The following MCF2L2 variants were observed in gnomAD, a reference collection of about 807,000 sequenced individuals.
MCF2L2 encodes the protein MCF.2 cell line derived transforming sequence-like 2, also known as probable guanine nucleotide exchange factor MCF2L2.
A neutral mutation model predicts 150.2 loss-of-function variants in MCF2L2; 102 were observed. The ratio of observed to expected loss-of-function variants is 0.68; its 90% CI spans 0.58 to 0.80. MCF2L2 has a LOEUF of 0.80. Among genes scored for constraint, MCF2L2 ranks in the 30% least tolerant of loss-of-function variants. The pLI is 0.00. For synonymous variants in MCF2L2, 465 were observed against 491.3 expected (o/e 0.95, Z 0.71); for missense variants, 1,256 against 1,372.8 (o/e 0.91, Z 1.34).
At chr3:183,290,337 T>TA (rs1728061843) in intron 13 of MCF2L2, among the ~76,000 whole-genome samples, 1 of 152,182 alleles carries the variant, frequency 6.6e-6, no homozygotes, top group Admixed American at 6.5e-5. Context: ...AATTGGGACT[T>TA]GAGAGGAGAA....
intron 2 of MCF2L2, among the ~76,000 whole-genome samples, chr3:183,382,329 G>A (rs1158212922): frequency 1.3e-5 from 2 of 152,152 alleles, no homozygotes; most frequent in East Asian, 3.9e-4. Context: ...TAAGTGCTGG[G>A]ATTACAGGCG....
chr3:183,195,378 G>A (rs532046637), intron 25 of MCF2L2, 123 bp from the exon 26 acceptor site: 8 of 641,200 alleles, frequency 1.2e-5, no homozygotes, highest in Non-Finnish European at 2.1e-5. Flanking sequence ...ATATAAAGGT[G>A]TGTAGGTCTT....
At chr3:183,408,756 A>G (rs1715172880) in intron 1 of MCF2L2, among the ~76,000 whole-genome samples, 1 of 152,230 alleles carries the variant, frequency 6.6e-6, no homozygotes, top group Non-Finnish European at 1.5e-5. Context: ...CCTGGGCTGG[A>G]CAGGTTCAGT....
chr3:183,348,415 C>T (rs778493454), intron 3 of MCF2L2, among the ~76,000 whole-genome samples: 1 of 23,926 alleles, frequency 4.2e-5, no homozygotes, highest in African/African-American at 3.6e-4. Context: ...GGTCGGGGGT[C>T]GGGTAGGGGG....
chr3:183,199,541 CTCT>C (rs1375643969), intron 25 of MCF2L2, among the ~76,000 whole-genome samples: 5 of 151,720 alleles, frequency 3.3e-5, no homozygotes, highest in Non-Finnish European at 7.4e-5. Context: ...TCCCCAAATT[CTCT>C]TCTTTGTGAA....
At chr3:183,232,076 A>C (rs940055) in intron 15 of MCF2L2, among the ~76,000 whole-genome samples, 54,121 of 151,982 alleles carry the variant, frequency 0.36, 10,406 homozygotes, top group African/African-American at 0.5. Context: ...TCAGATCTAT[A>C]TGGGTCAAGT....
In MCF2L2 at chr3:183,206,150, C is replaced by T. The variant is rs1256220389; in HGVS notation, c.2777G>A (p.Arg926Gln). Residue 926 changes from arginine (R) to glutamine (Q), a missense_variant, in exon 24 of 30, where the codon CGA (arginine) becomes CAA (glutamine). Arg to Gln is a conservative substitution (Grantham distance 43, BLOSUM62 1). Transcript: ENST00000328913. ...CAGGATGTATTTCTCAAGTCCATTT[C>T]GACTGGCAATCTCAAACTTTCTATG... ...GSHRKFEIAS[R>Q]NGLEKYILQA... is the part of the protein sequence containing the mutation. 4.3e-6 allele frequency: 7 copies of T among 1,614,142 alleles called. No individual in the cohort carries two copies. The highest frequency in any genetic ancestry group is 2.7e-5 in the African/African-American group (2 of 75,032).
chr3:183,226,744 A>T (rs1049923259), intron 18 of MCF2L2: 1 of 152,234 alleles, frequency 6.6e-6, no homozygotes. Context: ...GACATACATA[A>T]CCATAAAATA....
At chr3:183,371,431 C>A (rs1007140589) in intron 3 of MCF2L2, among the ~76,000 whole-genome samples, 1 of 147,640 alleles carries the variant, frequency 6.8e-6, no homozygotes, top group African/African-American at 2.5e-5. Context: ...AGATAAGAGA[C>A]AAAAGGTTGC....
intron 22 of MCF2L2, among the ~76,000 whole-genome samples, chr3:183,211,319 GGTCA>G (rs1722714282): frequency 6.6e-6 from 1 of 152,128 alleles, no homozygotes; most frequent in Admixed American, 6.5e-5. Flanking sequence ...AGAAGCTGCA[GGTCA>G]GCTTTCCAGT....
intron 21 of MCF2L2, among the ~76,000 whole-genome samples, chr3:183,216,324 C>T (rs890136777): frequency 2.0e-5 from 3 of 149,612 alleles, no homozygotes; most frequent in Admixed American, 6.7e-5. Flanking sequence ...GTACTAGTGA[C>T]GAATGAAGTT....
intron 12 of MCF2L2, among the ~76,000 whole-genome samples, 187 bp from the exon 13 acceptor site, chr3:183,295,664 T>G (rs1025878194): frequency 2.0e-5 from 3 of 152,076 alleles, no homozygotes; most frequent in African/African-American, 7.2e-5. Flanking sequence ...TATCTAAGGA[T>G]TAGCCTCTCC....
At chr3:183,252,797 A>G (rs1724620627) in intron 15 of MCF2L2, among the ~76,000 whole-genome samples, 3 of 152,232 alleles carry the variant, frequency 2.0e-5, no homozygotes, top group Admixed American at 2.0e-4. Flanking sequence ...AAATATGTAC[A>G]ATAACAGAAT....
chr3:183,221,310 T>C (rs1453471095), intron 20 of MCF2L2, among the ~76,000 whole-genome samples: 1 of 152,172 alleles, frequency 6.6e-6, no homozygotes, highest in Non-Finnish European at 1.5e-5. Flanking sequence ...ACCTTCTAAG[T>C]CCTTTTAACC....
chr3:183,223,299 G>A, intron 20 of MCF2L2, 47 bp downstream of exon 20: 1 of 1,414,744 alleles, frequency 7.1e-7, no homozygotes, highest in East Asian at 2.3e-5. Flanking sequence ...CCACAGTGCA[G>A]GCGTCTGGTT....
intron 27 of MCF2L2, among the ~76,000 whole-genome samples, chr3:183,189,558 G>A (rs1243816541): frequency 6.6e-6 from 1 of 152,172 alleles, no homozygotes; most frequent in Non-Finnish European, 1.5e-5. Context: ...CTACTGGCAT[G>A]AGGAATCCTA....
At chr3:183,358,791 T>A (rs1577089360) in intron 3 of MCF2L2, among the ~76,000 whole-genome samples, 1 of 125,536 alleles carries the variant, frequency 8.0e-6, no homozygotes, top group South Asian at 2.3e-4. Context: ...CAGTTAATAT[T>A]TTTTTTTTAT....
chr3:183,321,040 C>G (rs1729789364), intron 6 of MCF2L2, among the ~76,000 whole-genome samples: 1 of 152,196 alleles, frequency 6.6e-6, no homozygotes, highest in Non-Finnish European at 1.5e-5. Context: ...ACACACACAA[C>G]ATATATCCAT....
At chr3:183,422,968 A>G (rs1490173238) in intron 1 of MCF2L2, among the ~76,000 whole-genome samples, 1 of 152,150 alleles carries the variant, frequency 6.6e-6, no homozygotes, top group Admixed American at 6.5e-5. Context: ...AGGGCAAGGG[A>G]GCTTTTGTAG....
Sources: gnomAD v4.1 joint callset for allele counts (sites outside exome capture counted in the v4.1 genomes callset) on GRCh38, gnomAD v4.1.1 for gene constraint, MANE v1.5 for transcripts, NCBI Gene and HGNC (gene_info 2026-07-23, HGNC 2026-07-21) for gene names.